USP34: variants seen among roughly 807,000 people sequenced by gnomAD.
The protein encoded by USP34 is ubiquitin specific peptidase 34, also known as ubiquitin carboxyl-terminal hydrolase 34.
USP34 carries 70 observed loss-of-function variants against 460.3 expected under a neutral mutation model. The observed-to-expected ratio is 0.15, with a 90% confidence interval of 0.13 to 0.19. The LOEUF (loss-of-function observed/expected upper bound fraction) is 0.19, where lower values mean the gene tolerates loss of function less well. Among genes scored for constraint, USP34 ranks in the 10% least tolerant of loss-of-function variants. The pLI is 1.00. For synonymous variants in USP34, 1,647 were observed against 1,405.3 expected, an observed-to-expected ratio of 1.17 and a Z score of -3.85; for missense variants, 3,985 against 4,236.2, an observed-to-expected ratio of 0.94 and a Z score of 1.65.
chr2:61,417,134 T>G, intron 2 of USP34: 1 of 1,572,864 alleles, frequency 6.4e-7, no homozygotes, highest in Non-Finnish European at 8.6e-7. Context: ...ACTTGGCCAA[T>G]GTGAACCCTG....
intron 18 of USP34, among the ~76,000 whole-genome samples, chr2:61,335,736 G>A (rs572273819): frequency 3.2e-4 from 48 of 152,326 alleles, no homozygotes; most frequent in Admixed American, 1.6e-3. Context: ...GTGACACAGT[G>A]AGACTGTCTC....
At chr2:61,296,757 T>C (rs1572909490) in intron 30 of USP34, 43 bp downstream of exon 30, 16 of 1,581,432 alleles carry the variant, frequency 1.0e-5, no homozygotes, top group East Asian at 2.2e-5. Context: ...GAATGTAAAC[T>C]GGTAACAGCC....
chr2:61,419,831 T>C (rs1476249912), intron 2 of USP34, among the ~76,000 whole-genome samples: 1 of 152,120 alleles, frequency 6.6e-6, no homozygotes, highest in Non-Finnish European at 1.5e-5. Flanking sequence ...ATCTAGTCCA[T>C]CCCTAATGCA....
At chr2:61,396,084 C>G (rs1390410512) in intron 3 of USP34, among the ~76,000 whole-genome samples, 1 of 150,532 alleles carries the variant, frequency 6.6e-6, no homozygotes, top group Non-Finnish European at 1.5e-5. Context: ...TAAAATAAAA[C>G]TCAAGGTAAT....
Position 61,450,148 on chromosome 2 carries a change from C to G in USP34, c.43+20502G>C, listed in dbSNP as rs571578793. Among the ~76,000 whole-genome samples the G allele has an allele frequency of 9.9e-5, 15 of 151,248 alleles. No homozygotes were observed. The South Asian group carries it at 3.1e-3, about 31-fold the overall frequency. ...GGCATATGCTACAACATGGACAAAA[C>G]TGGAAAGCATTATGCTAAGTGAAAG... On this transcript the variant is annotated intron_variant, in intron 1 of 79. Coordinates refer to ENST00000398571, the MANE Select transcript of USP34 (RefSeq NM_014709.4).
At chr2:61,346,070 T>A (rs1299693408) in intron 15 of USP34, among the ~76,000 whole-genome samples, 8 of 152,204 alleles carry the variant, frequency 5.3e-5, no homozygotes, top group Non-Finnish European at 4.4e-5. Context: ...TAAAATTAGA[T>A]GTGTAAAATT....
At chr2:61,260,737 G>A (rs913280083) in intron 43 of USP34, among the ~76,000 whole-genome samples, 11 of 151,962 alleles carry the variant, frequency 7.2e-5, no homozygotes, top group Non-Finnish European at 1.2e-4. Context: ...TCCATATTAC[G>A]AAAAAAGTCA....
rs1250010382 is a variant in USP34, at chr2:61,471,018, G to C, written c.-326C>G. Among the ~76,000 whole-genome samples, 1 of 151,064 alleles carries C rather than the reference G, an allele frequency of 6.6e-6. No individual in the cohort carries two copies. The highest frequency in any genetic ancestry group is 2.4e-5 in the African/African-American group (1 of 41,364). On this transcript the variant is annotated 5_prime_UTR_variant, in exon 1 of 80. Transcript: ENST00000398571. The stretch of plus-strand genomic sequence containing the variant: ...GGCGGGTGGGGAGAGAAGCAGCAGA[G>C]TCACTTCACCGACCAGACGCCGCGG...
intron 41 of USP34, among the ~76,000 whole-genome samples, chr2:61,274,909 T>C (rs746116609): frequency 1.3e-5 from 2 of 152,250 alleles, no homozygotes; most frequent in African/African-American, 2.4e-5. Context: ...TAAAGATCTC[T>C]GTAATATCAC....
At chr2:61,401,103 A>G (rs1033756908) in intron 3 of USP34, among the ~76,000 whole-genome samples, 1 of 145,512 alleles carries the variant, frequency 6.9e-6, no homozygotes, top group African/African-American at 2.5e-5. Flanking sequence ...GTGAGCCGAG[A>G]TCGCGCCATT....
Position 61,274,616 on chromosome 2 carries a change from G to A in USP34, c.5433+3549C>T, listed in dbSNP as rs147944877. Among the ~76,000 whole-genome samples the A allele has an allele frequency of 3.5e-3, 533 of 152,266 alleles. 2 individuals are homozygous for A. Among genetic ancestry groups the A allele is most frequent in the African/African-American group, 0.011 (442 of 41,566 alleles). On this transcript the variant is annotated intron_variant, in intron 41 of 79. Transcript: ENST00000398571. ...TTTCAAACACTTGAAGGGAAGTTCA[G>A]CCTTACTAATAAAAATAATACAAAA...
At chr2:61,457,460 G>GTT (rs1695473272) in intron 1 of USP34, among the ~76,000 whole-genome samples, 1 of 152,186 alleles carries the variant, frequency 6.6e-6, no homozygotes, top group African/African-American at 2.4e-5. Flanking sequence ...GAAAAACTCT[G>GTT]TTTCTGCCAA....
At chr2:61,315,626 C>T (rs1690720681) in intron 23 of USP34, among the ~76,000 whole-genome samples, 1 of 152,026 alleles carries the variant, frequency 6.6e-6, no homozygotes, top group Non-Finnish European at 1.5e-5. Flanking sequence ...CCACCCGCCT[C>T]AGCCTCTCAA....
Position 61,349,369 on chromosome 2 carries a change from T to C in USP34, c.1508-84A>G, listed in dbSNP as rs1007656950. On this transcript the variant is annotated intron_variant, in intron 12 of 79. Coordinates refer to ENST00000398571, the MANE Select transcript of USP34 (RefSeq NM_014709.4). Reference sequence around the variant, plus strand: ...CAGCGTATCAGTTGTTCATATTACATAATCAACAAGATGTAAGTGGAGAAA... The same window carrying C: ...CAGCGTATCAGTTGTTCATATTACACAATCAACAAGATGTAAGTGGAGAAA... 84 of 1,424,068 alleles carry C rather than the reference T, an allele frequency of 5.9e-5. 1 individual carries two copies. The Admixed American group carries it at 1.2e-3, about 20-fold the overall frequency. 88.2% of individuals were successfully genotyped at this position (1,424,068 alleles called of 1,614,324 possible).
rs1691853158 is a variant in USP34 at position 61,348,917 on chromosome 2, C to G, written c.1544-31G>C. 9.5e-6 allele frequency: 15 copies of G among 1,581,188 alleles called. 1 individual carries two copies. In the East Asian group the frequency reaches 2.9e-4, roughly 31 times the overall value. Reference sequence around the variant, plus strand: ...TAAAATACATTTTTTGTTTTTACTTCTAATTTATATTAACATTGACTTAAC... The same window carrying G: ...TAAAATACATTTTTTGTTTTTACTTGTAATTTATATTAACATTGACTTAAC... On this transcript the variant is annotated intron_variant, in intron 13 of 79. Transcript: ENST00000398571.
rs1247110202 is a variant in USP34 at position 61,267,443 on chromosome 2, A to AT, written c.5434-1277dup. 6.2e-3 allele frequency among the ~76,000 whole-genome samples: 889 copies of AT among 142,758 alleles called. 8 individuals are homozygous for AT. The highest frequency in any genetic ancestry group is 0.016 in the African/African-American group (628 of 39,160). 93.7% of individuals were successfully genotyped at this position (142,758 alleles called of 152,430 possible). On this transcript the variant is annotated intron_variant, in intron 41 of 79. Coordinates refer to ENST00000398571, the MANE Select transcript of USP34 (RefSeq NM_014709.4). Reference sequence around the variant, plus strand: ...AGGAAATATGGAAAGTGGTTAGGAGATTTTTTTTTTTTTTTTGGAGACAGA... The same window carrying AT: ...AGGAAATATGGAAAGTGGTTAGGAGATTTTTTTTTTTTTTTTTGGAGACAGA...
At chr2:61,298,537 CAAAAAAAAAAAAAAAAAA>C (rs57087400) in intron 29 of USP34, among the ~76,000 whole-genome samples, 20 of 28,290 alleles carry the variant, frequency 7.1e-4, no homozygotes, top group East Asian at 4.7e-3. Flanking sequence ...GACTCTGTCT[CAAAAAAAAAAAAAAAAAA>C]AAAAAAAAAA....
intron 35 of USP34, among the ~76,000 whole-genome samples, chr2:61,284,018 A>G (rs1412669939): frequency 1.3e-5 from 2 of 152,188 alleles, no homozygotes; most frequent in Non-Finnish European, 2.9e-5. Context: ...ATTACACAGC[A>G]GGGTGTCTAG....
chr2:61,442,722 AC>A (rs1240759371), intron 1 of USP34, among the ~76,000 whole-genome samples: 1 of 152,162 alleles, frequency 6.6e-6, no homozygotes, highest in Admixed American at 6.5e-5. Context: ...AACTACAAAC[AC>A]GACTACCATA....
Sources: gnomAD v4.1 joint callset for allele counts (sites outside exome capture counted in the v4.1 genomes callset) on GRCh38, gnomAD v4.1.1 for gene constraint, MANE v1.5 for transcripts, NCBI Gene and HGNC (gene_info 2026-07-23, HGNC 2026-07-21) for gene names.